The following AOPEP variants were observed in gnomAD, a reference collection of about 807,000 sequenced individuals.
The protein encoded by AOPEP is aminopeptidase O.
Under a neutral mutation model 98.1 loss-of-function variants are expected in AOPEP, and 77 were observed. The observed-to-expected ratio is 0.78, with a 90% confidence interval of 0.65 to 0.95. The LOEUF is 0.95. Ranked by LOEUF, AOPEP falls within the 40% of genes least tolerant of loss-of-function variation. AOPEP has a pLI of 0.00. For synonymous variants in AOPEP, 346 were observed against 365.3 expected (o/e 0.95, Z 0.60); for missense variants, 1,024 against 1,024.7 (o/e 1.00, Z 0.01).
At chr9:94,727,275 G>T (rs550233286) in intron 1 of AOPEP, among the ~76,000 whole-genome samples, 2 of 152,226 alleles carry the variant, frequency 1.3e-5, no homozygotes, top group South Asian at 4.1e-4. Flanking sequence ...CTGGAGTTTT[G>T]TTCATGAACG....
At chr9:94,847,507 T>C (rs2043012765) in intron 5 of AOPEP, among the ~76,000 whole-genome samples, 1 of 152,250 alleles carries the variant, frequency 6.6e-6, no homozygotes. Context: ...ATTCTGTCAA[T>C]ACGTTGTTAA....
intron 5 of AOPEP, among the ~76,000 whole-genome samples, chr9:94,839,381 G>A (rs1055147273): frequency 2.0e-5 from 3 of 151,884 alleles, no homozygotes; most frequent in African/African-American, 7.3e-5. Flanking sequence ...GAGCCAACCC[G>A]CCCAGCCTAA....
the AOPEP span, among the ~76,000 whole-genome samples, chr9:95,093,314 T>A: frequency 1.3e-5 from 2 of 152,204 alleles, no homozygotes; most frequent in Non-Finnish European, 2.9e-5. Flanking sequence ...ATGCGTCCAG[T>A]CATAGTAAGT....
chr9:94,806,941 T>C (rs1849381642), intron 5 of AOPEP, among the ~76,000 whole-genome samples: 2 of 152,184 alleles, frequency 1.3e-5, no homozygotes, highest in Non-Finnish European at 2.9e-5. Flanking sequence ...GGCCTCATCT[T>C]GTGATGGCTG....
chr9:95,125,230 C>T, the AOPEP span: 110 of 1,518,164 alleles, frequency 7.2e-5, no homozygotes, highest in African/African-American at 1.2e-3. Context: ...ACAAGTAATC[C>T]GGCAAACATG....
At chr9:95,108,722 G>C in the AOPEP span, among the ~76,000 whole-genome samples, 1 of 152,184 alleles carries the variant, frequency 6.6e-6, no homozygotes, top group East Asian at 1.9e-4. Flanking sequence ...CCATTAAAAT[G>C]ATCTATAACT....
intron 5 of AOPEP, among the ~76,000 whole-genome samples, chr9:94,839,718 G>A (rs1288630871): frequency 6.6e-6 from 1 of 151,936 alleles, no homozygotes; most frequent in Admixed American, 6.5e-5. Flanking sequence ...GCACTCTTAG[G>A]ACTTACAATA....
the AOPEP span, among the ~76,000 whole-genome samples, chr9:95,142,172 T>C: frequency 6.6e-6 from 1 of 152,006 alleles, no homozygotes; most frequent in Admixed American, 6.6e-5. Context: ...TTTGTATTTT[T>C]AGTAGAGATG....
Position 94,847,967 on chromosome 9 carries a change from G to A in AOPEP, c.1364+46965G>A, listed in dbSNP as rs554984533. Reference sequence around the variant, plus strand: ...TGGCGATAAACCACCTGCAGGACTGGGGACATATCACTTAGGCTTTAATGT... The same window carrying A: ...TGGCGATAAACCACCTGCAGGACTGAGGACATATCACTTAGGCTTTAATGT... On this transcript the variant is annotated intron_variant, in intron 5 of 16. Transcript: ENST00000375315. 9.9e-5 allele frequency among the ~76,000 whole-genome samples: 15 copies of A among 152,232 alleles called. No individual in the cohort carries two copies. In the South Asian group the frequency reaches 3.1e-3, roughly 32 times the overall value.
At chr9:94,957,087 C>A (rs967572193) in intron 9 of AOPEP, among the ~76,000 whole-genome samples, 3 of 152,192 alleles carry the variant, frequency 2.0e-5, no homozygotes, top group African/African-American at 7.2e-5. Flanking sequence ...CAAGAGACTG[C>A]AGTGTTAAAT....
At position 94,805,816 on chromosome 9, in the gene AOPEP, T is replaced by C. The variant is rs549371242; in HGVS notation, c.1364+4814T>C. On this transcript the variant is annotated intron_variant, in intron 5 of 16. Transcript: ENST00000375315. ...CTCCCTCCTCCCGGGTTAGACAGGG[T>C]GTTGTCCTGTTTATTCTTATCTCCC... Among the ~76,000 whole-genome samples, 3 of 152,270 alleles carry C rather than the reference T, an allele frequency of 2.0e-5. No individual in the cohort carries two copies. The South Asian group carries it at 6.2e-4, about 32-fold the overall frequency.
intron 5 of AOPEP, among the ~76,000 whole-genome samples, chr9:94,856,142 A>T (rs929914193): frequency 1.2e-4 from 18 of 152,166 alleles, no homozygotes; most frequent in African/African-American, 3.9e-4. Flanking sequence ...ATGTCTGTGC[A>T]TTTGACTCAG....
At chr9:94,749,212 C>T (rs1835156046) in intron 1 of AOPEP, among the ~76,000 whole-genome samples, 1 of 152,158 alleles carries the variant, frequency 6.6e-6, no homozygotes, top group African/African-American at 2.4e-5. Flanking sequence ...CCAATACTAT[C>T]ATTATTTATT....
intron 5 of AOPEP, among the ~76,000 whole-genome samples, chr9:94,825,717 CTG>C (rs1424329240): frequency 6.6e-6 from 1 of 152,168 alleles, no homozygotes. Flanking sequence ...GGAAGAGAGA[CTG>C]TTTTATTCCA....
At chr9:94,999,584 G>C (rs1436540561) in intron 11 of AOPEP, among the ~76,000 whole-genome samples, 1 of 152,168 alleles carries the variant, frequency 6.6e-6, no homozygotes, top group Non-Finnish European at 1.5e-5. Context: ...TTATGGGGCT[G>C]TTTCTTATAA....
chr9:94,826,882 T>G (rs937626202), intron 5 of AOPEP, among the ~76,000 whole-genome samples: 3 of 152,132 alleles, frequency 2.0e-5, no homozygotes, highest in African/African-American at 7.2e-5. Context: ...GCTATAGATT[T>G]CTGCCTGCCT....
At chr9:95,031,517 A>T (rs1471043186) in intron 13 of AOPEP, among the ~76,000 whole-genome samples, 47 of 152,180 alleles carry the variant, frequency 3.1e-4, no homozygotes, top group Admixed American at 3.1e-3. Flanking sequence ...CGATTTAAAC[A>T]TCACCATCTA....
chr9:94,882,260 G>T (rs10761361), intron 5 of AOPEP, among the ~76,000 whole-genome samples: 65,823 of 152,036 alleles, frequency 0.43, 14,840 homozygotes, highest in East Asian at 0.62. Context: ...AGGAAACAGG[G>T]TTATTTCAGA....
At chr9:94,903,540 G>A (rs1451929920) in intron 5 of AOPEP, among the ~76,000 whole-genome samples, 1 of 150,576 alleles carries the variant, frequency 6.6e-6, no homozygotes, top group Admixed American at 6.6e-5. Context: ...TATAATTCCA[G>A]TACATTGGGA....
Sources: gnomAD v4.1 joint callset for allele counts (sites outside exome capture counted in the v4.1 genomes callset) on GRCh38, gnomAD v4.1.1 for gene constraint, MANE v1.5 for transcripts, NCBI Gene and HGNC (gene_info 2026-07-23, HGNC 2026-07-21) for gene names.